The following MID1 variants were observed in gnomAD, a reference collection of about 807,000 sequenced individuals.
MID1 encodes the protein E3 ubiquitin-protein ligase Midline-1.
MID1 carries 7 observed loss-of-function variants against 40.4 expected under a neutral mutation model. That is an observed-to-expected ratio of 0.17 (90% CI 0.10 to 0.33). The LOEUF (loss-of-function observed/expected upper bound fraction) is 0.33, where lower values mean the gene tolerates loss of function less well. Among genes scored for constraint, MID1 ranks in the 10% least tolerant of loss-of-function variants. The pLI is 1.00. For synonymous variants in MID1, 229 were observed against 221.2 expected, an observed-to-expected ratio of 1.04 and a Z score of -0.31; for missense variants, 367 against 558.5, an observed-to-expected ratio of 0.66 and a Z score of 3.46.
intron 9 of MID1, among the ~76,000 whole-genome samples, chrX:10,453,626 A>T (rs1928478299): frequency 8.9e-6 from 1 of 112,349 alleles, no homozygotes; most frequent in African/African-American, 3.2e-5. Context: ...ATGAAGTTTT[A>T]TTGGAACGCA....
chrX:10,821,534 T>C (rs1042107085), intron 1 of MID1, among the ~76,000 whole-genome samples: 2 of 111,949 alleles, frequency 1.8e-5, no homozygotes, highest in African/African-American at 6.5e-5. Flanking sequence ...CTAACAACAC[T>C]CCCTTTGTCT....
chrX:10,769,399 A>G (rs997842571), intron 1 of MID1, among the ~76,000 whole-genome samples: 1 of 111,629 alleles, frequency 9.0e-6, no homozygotes, highest in Non-Finnish European at 1.9e-5. Context: ...AATCAGGGCC[A>G]CCAAACAAAG....
At chrX:10,510,982 T>C (rs988370586) in intron 3 of MID1, among the ~76,000 whole-genome samples, 4 of 108,092 alleles carry the variant, frequency 3.7e-5, no homozygotes, top group East Asian at 3.0e-4. Context: ...TGGTCGCTCA[T>C]GCCTGTAATC....
Position 10,729,883 on chromosome X carries a change from A to G in MID1, c.-187+103671T>C, listed in dbSNP as rs185122442. 3.5e-3 allele frequency among the ~76,000 whole-genome samples: 389 copies of G among 110,323 alleles called. 16 individuals carry two copies. In the East Asian group the frequency reaches 0.084, roughly 24 times the overall value. ...GCGGATCACAAGGTCAGGAGATCGA[A>G]ACCATCCTGGTTAACATGGTGAAAC... On this transcript the variant is annotated intron_variant, in intron 1 of 10. Transcript: ENST00000380785.
At chrX:10,560,578 T>C (rs972275809) in intron 2 of MID1, among the ~76,000 whole-genome samples, 7 of 110,554 alleles carry the variant, frequency 6.3e-5, no homozygotes, top group African/African-American at 1.6e-4. Context: ...ATACCAATAA[T>C]CGACAAGCAG....
chrX:10,636,787 T>C (rs112732360), intron 1 of MID1, among the ~76,000 whole-genome samples: 2 of 34,269 alleles, frequency 5.8e-5, no homozygotes, highest in Non-Finnish European at 6.3e-5. Flanking sequence ...ACAATGGGGA[T>C]ATATATATAT....
At chrX:10,506,612 C>T in intron 3 of MID1, 2 of 479,581 alleles carry the variant, frequency 4.2e-6, no homozygotes, top group Non-Finnish European at 7.4e-6. Context: ...AGAAAAAGTT[C>T]CCAGGCCAGG....
intron 2 of MID1, among the ~76,000 whole-genome samples, chrX:10,528,506 G>A (rs918661834): frequency 1.2e-4 from 13 of 111,719 alleles, no homozygotes; most frequent in African/African-American, 3.9e-4. Context: ...TTGGCCATAT[G>A]TTCTTGGACA....
chrX:10,704,737 TATAC>T (rs1189621793), intron 1 of MID1, among the ~76,000 whole-genome samples: 3 of 86,713 alleles, frequency 3.5e-5, no homozygotes, highest in South Asian at 5.1e-4. Flanking sequence ...TATATATATA[TATAC>T]ACACACACAC....
At chrX:10,465,202 T>TACACACACACACACAC (rs1929277841) in intron 7 of MID1, among the ~76,000 whole-genome samples, 1 of 66,624 alleles carries the variant, frequency 1.5e-5, no homozygotes, top group African/African-American at 7.5e-5. Flanking sequence ...TATATATATA[T>TACACACACACACACAC]ATATATATAT....
rs1205220827 is a variant in MID1, at chrX:10,511,018, G to A, written c.756+12074C>T. Among the ~76,000 whole-genome samples the A allele has an allele frequency of 4.6e-5, 5 of 109,462 alleles. No homozygotes were observed. In the Admixed American group the frequency reaches 4.9e-4, roughly 11 times the overall value. On this transcript the variant is annotated intron_variant, in intron 3 of 9. Transcript: ENST00000317552. ...CCAGCACTTTGGGAGGCCAAGGCGGGCAGATCACTTGAGGTCAGGAGTTCG... is the reference window on the plus strand; with the variant it reads ...CCAGCACTTTGGGAGGCCAAGGCGGACAGATCACTTGAGGTCAGGAGTTCG...
At chrX:10,774,977 T>G (rs1209423029) in intron 1 of MID1, among the ~76,000 whole-genome samples, 1 of 111,070 alleles carries the variant, frequency 9.0e-6, no homozygotes, top group Non-Finnish European at 1.9e-5. Flanking sequence ...AAAGTTTTTC[T>G]CCAGTTCTAG....
intron 1 of MID1, among the ~76,000 whole-genome samples, chrX:10,804,444 C>A (rs1291402986): frequency 1.8e-5 from 2 of 111,877 alleles, no homozygotes; most frequent in Non-Finnish European, 3.8e-5. Context: ...AGGGGTTATG[C>A]ATGTTTACTG....
Position 10,767,312 on chromosome X carries a change from A to ATTTCTTTCTTTC in MID1, c.-187+66230_-187+66241dup, listed in dbSNP as rs199553548. Among the ~76,000 whole-genome samples, 7 of 108,727 alleles carry ATTTCTTTCTTTC rather than the reference A, an allele frequency of 6.4e-5. No individual in the cohort carries two copies. The East Asian group carries it at 2.1e-3, about 33-fold the overall frequency. 94.4% of individuals were successfully genotyped at this position (108,727 alleles called of 115,157 possible). A position where few individuals can be genotyped will look rare whatever the true frequency, so the allele number is the denominator to read the frequency against. On this transcript the variant is annotated intron_variant, in intron 1 of 10. Coordinates refer to the MID1 transcript ENST00000380785. ...AATGATTAAATGTATTAGCCTTTTG[A>ATTTCTTTCTTTC]TTTCTTTCTTTCTTTCTTTCTTTCT...
intron 1 of MID1, among the ~76,000 whole-genome samples, chrX:10,590,875 TTTG>T (rs1194864940): frequency 1.8e-5 from 2 of 112,250 alleles, no homozygotes; most frequent in African/African-American, 3.2e-5. Context: ...TTAAGAGTTT[TTTG>T]TTGTTATTTT....
At chrX:10,558,132 C>A (rs1410283260) in intron 2 of MID1, among the ~76,000 whole-genome samples, 1 of 110,122 alleles carries the variant, frequency 9.1e-6, no homozygotes, top group Non-Finnish European at 1.9e-5. Context: ...AAACCCTTAA[C>A]CTTGCATTTA....
intron 1 of MID1, among the ~76,000 whole-genome samples, chrX:10,583,944 T>C (rs1433349026): frequency 9.1e-6 from 1 of 109,695 alleles, no homozygotes. Flanking sequence ...GGCAGGAGAA[T>C]TGCTTGAACC....
intron 1 of MID1, among the ~76,000 whole-genome samples, chrX:10,753,658 T>G (rs1315799428): frequency 4.5e-5 from 5 of 111,375 alleles, no homozygotes; most frequent in South Asian, 3.7e-4. Context: ...CTCAAAAAAA[T>G]TTTAAAAATG....
At chrX:10,654,541 A>G (rs1044527899) in intron 1 of MID1, among the ~76,000 whole-genome samples, 3 of 111,834 alleles carry the variant, frequency 2.7e-5, no homozygotes, top group Non-Finnish European at 5.6e-5. Context: ...TGCACGGTTC[A>G]CAATAAGGTT....
Sources: allele counts gnomAD v4.1 joint callset (sites outside exome capture counted in the v4.1 genomes callset), GRCh38; gene constraint gnomAD v4.1.1; transcripts MANE v1.5; gene names NCBI Gene and HGNC (gene_info 2026-07-23, HGNC 2026-07-21).